The following MCHR2 variants were observed in gnomAD, a reference collection of about 807,000 sequenced individuals.
The protein encoded by MCHR2 is melanin concentrating hormone receptor 2, also known as melanin-concentrating hormone receptor 2.
MCHR2 carries 15 observed loss-of-function variants against 24.8 expected under a neutral mutation model. The ratio of observed to expected loss-of-function variants is 0.60; its 90% confidence interval spans 0.40 to 0.93. The LOEUF is 0.93. MCHR2 is among the 40% of genes least tolerant of loss of function. The probability of loss-of-function intolerance (pLI) is 0.00; values close to 1 mark genes in which losing one functional copy is unlikely to be tolerated. For synonymous variants in MCHR2, 151 were observed against 147.6 expected (o/e 1.02, Z -0.17); for missense variants, 386 against 408.7 (o/e 0.94, Z 0.48).
chr6:99,970,765 C>T (rs561770692), intron 1 of MCHR2, among the ~76,000 whole-genome samples: 60 of 152,296 alleles, frequency 3.9e-4, no homozygotes, highest in Non-Finnish European at 3.2e-4. Context: ...GATCCAGTTT[C>T]AGCTTTCTAC....
intron 1 of MCHR2, among the ~76,000 whole-genome samples, chr6:99,972,811 T>C (rs563132848): frequency 0.023 from 3,514 of 152,152 alleles, 81 homozygotes; most frequent in African/African-American, 0.06. Context: ...GCCTTCATTT[T>C]GTTATGTACC....
chr6:99,975,465 C>A (rs1213972465), intron 1 of MCHR2, among the ~76,000 whole-genome samples: 1 of 152,192 alleles, frequency 6.6e-6, no homozygotes, highest in Non-Finnish European at 1.5e-5. Context: ...TTCCAGGTAT[C>A]GTCTGTCACC....
chr6:99,986,102 T>G (rs1775763308), intron 1 of MCHR2, among the ~76,000 whole-genome samples: 1 of 151,834 alleles, frequency 6.6e-6, no homozygotes, highest in Non-Finnish European at 1.5e-5. Context: ...ATCAGAGAAA[T>G]GCAAATTAAA....
intron 1 of MCHR2, among the ~76,000 whole-genome samples, chr6:99,975,531 C>T (rs1199069986): frequency 6.6e-6 from 1 of 152,236 alleles, no homozygotes; most frequent in Non-Finnish European, 1.5e-5. Context: ...CCAAGTGAGG[C>T]AATGCCTCGC....
At chr6:99,971,306 T>C (rs1283254927) in intron 1 of MCHR2, among the ~76,000 whole-genome samples, 2 of 150,304 alleles carry the variant, frequency 1.3e-5, no homozygotes, top group Non-Finnish European at 3.0e-5. Flanking sequence ...CTAGGTATTT[T>C]ATTCTCTTTG....
rs1212937381 is a variant in MCHR2 at position 99,934,506 on chromosome 6, TA to T, written c.598del (p.Tyr200IlefsTer2). 1.9e-6 allele frequency: 3 copies of T among 1,594,040 alleles called. No individual in the cohort carries two copies. In the African/African-American group the frequency reaches 4.1e-5, roughly 22 times the overall value. ...SPDDVLWYTLYLTITTFFFPL... is the reference protein window; with the variant it reads ...SPDDVLWYTLXLTITTFFFPL... ...GAAAAAAAAAGTTGTTATCGTCAAA[TA>T]AAGTGTATACCTGTAAAATGAGAGA... On this transcript the variant is annotated frameshift_variant, in exon 5 of 6. Coordinates refer to ENST00000281806, the MANE Select transcript of MCHR2 (RefSeq NM_001040179.2). LOFTEE classifies it high-confidence loss of function.
At chr6:99,991,602 T>G (rs1775877106) in intron 1 of MCHR2, among the ~76,000 whole-genome samples, 1 of 151,914 alleles carries the variant, frequency 6.6e-6, no homozygotes, top group Non-Finnish European at 1.5e-5. Flanking sequence ...GGTCAGGAGA[T>G]CGAGACCATC....
rs1554197611 is a variant in MCHR2, at chr6:99,991,822, A to AAAAAAG, written c.-28+2113_-28+2114insCTTTTT. Among the ~76,000 whole-genome samples, 312 of 151,198 alleles carry AAAAAAG rather than the reference A, an allele frequency of 2.1e-3. 3 individuals are homozygous for AAAAAAG. Among genetic ancestry groups the AAAAAAG allele is most frequent in the African/African-American group, 7.1e-3 (290 of 41,120 alleles). The stretch of plus-strand genomic sequence containing the variant: ...AGACTCCGTCTCAAAAAAAAAAAAA[A>AAAAAAG]AAAAGAAAAGAAAAAAGAAATGAGG... On this transcript the variant is annotated intron_variant, in intron 1 of 5. Coordinates refer to ENST00000281806, the MANE Select transcript of MCHR2 (RefSeq NM_001040179.2).
At chr6:99,964,514 A>C (rs1775255537) in intron 1 of MCHR2, among the ~76,000 whole-genome samples, 1 of 152,114 alleles carries the variant, frequency 6.6e-6, no homozygotes, top group South Asian at 2.1e-4. Flanking sequence ...CACCTTCTTC[A>C]CAGGGTGGCA....
At chr6:99,970,404 GTTGT>G (rs1263004607) in intron 1 of MCHR2, among the ~76,000 whole-genome samples, 3 of 152,064 alleles carry the variant, frequency 2.0e-5, no homozygotes, top group Non-Finnish European at 2.9e-5. Flanking sequence ...TTTTGATGGG[GTTGT>G]TTGTTTTTTT....
At chr6:99,977,914 A>G (rs1775583978) in intron 1 of MCHR2, among the ~76,000 whole-genome samples, 1 of 152,196 alleles carries the variant, frequency 6.6e-6, no homozygotes. Flanking sequence ...TCAATCTTGG[A>G]CCATATCACT....
rs959714225 is a variant in MCHR2, at chr6:99,947,967, T to C, written c.187A>G (p.Arg63Gly). The C allele has an allele frequency of 3.7e-6, 6 of 1,612,894 alleles. No individual in the cohort carries two copies. Among genetic ancestry groups the C allele is most frequent in the Admixed American group, 3.3e-5 (2 of 59,850 alleles). Reference sequence around the variant, plus strand: ...TAGATGTCAGGGACTGTTTTTTTCCTGGATCTGAAAGAGATAGAGGAAACT... The same window carrying C: ...TAGATGTCAGGGACTGTTTTTTTCCCGGATCTGAAAGAGATAGAGGAAACT... ...ILIVFTIIRSRKKTVPDIYIC... is the reference protein window; with the variant it reads ...ILIVFTIIRSGKKTVPDIYIC... Residue 63 changes from arginine to glycine, a missense_variant, in exon 3 of 6, where the codon AGG (arginine) becomes GGG (glycine). Coordinates refer to ENST00000281806, the MANE Select transcript of MCHR2 (RefSeq NM_001040179.2).
chr6:99,926,552 T>C (rs529866763), intron 5 of MCHR2, among the ~76,000 whole-genome samples: 15 of 152,328 alleles, frequency 9.8e-5, no homozygotes, highest in Non-Finnish European at 1.5e-4. Flanking sequence ...TGGTATCTCA[T>C]TGTGGTTTTG....
intron 1 of MCHR2, among the ~76,000 whole-genome samples, chr6:99,984,266 C>CTTTT (rs151233138): frequency 0.34 from 49,031 of 143,834 alleles, 8,544 homozygotes; most frequent in East Asian, 0.58. Flanking sequence ...ATTTATTTTT[C>CTTTT]TTTATTATTA....
intron 1 of MCHR2, among the ~76,000 whole-genome samples, chr6:99,989,231 G>A (rs1421155190): frequency 6.6e-6 from 1 of 152,074 alleles, no homozygotes; most frequent in Non-Finnish European, 1.5e-5. Context: ...TAGCCTGGGC[G>A]ACAGAGCATG....
Position 99,992,679 on chromosome 6 carries a change from CT to C in MCHR2, c.-28+1256del, listed in dbSNP as rs959910774. Among the ~76,000 whole-genome samples the C allele has an allele frequency of 2.6e-5, 4 of 152,104 alleles. No homozygotes were observed. In the South Asian group the frequency reaches 6.2e-4, roughly 24 times the overall value. On this transcript the variant is annotated intron_variant, in intron 1 of 5. Transcript: ENST00000281806. ...TACTTTATTCCCCAGGCTTGAAAAA[CT>C]TTTTTCTTGTAATTGGAATGCTTTG...
chr6:99,976,410 C>G (rs1432071062), intron 1 of MCHR2, among the ~76,000 whole-genome samples: 2 of 152,196 alleles, frequency 1.3e-5, no homozygotes, highest in Non-Finnish European at 2.9e-5. Flanking sequence ...CAATTATGTG[C>G]AGCTTTGGGG....
Position 99,975,566 on chromosome 6 carries a change from GCTGCACCCACTGTC to G in MCHR2, c.-28+18356_-28+18369del, listed in dbSNP as rs573241935. On this transcript the variant is annotated intron_variant, in intron 1 of 5. Coordinates refer to ENST00000281806, the MANE Select transcript of MCHR2 (RefSeq NM_001040179.2). ...CCCTGCTTCAGCTCGTGCATGGTGC[GCTGCACCCACTGTC>G]CTGCACCCACTGTCTGGCACTCCCT... Among the ~76,000 whole-genome samples, 9 of 152,306 alleles carry G rather than the reference GCTGCACCCACTGTC, an allele frequency of 5.9e-5. No homozygotes were observed. In the East Asian group the frequency reaches 9.7e-4, roughly 16 times the overall value.
At chr6:99,929,739 C>T (rs1200143786) in intron 5 of MCHR2, among the ~76,000 whole-genome samples, 18 of 151,994 alleles carry the variant, frequency 1.2e-4, no homozygotes, top group Admixed American at 2.0e-4. Context: ...TGTCTCTGCA[C>T]GTGAGATGGG....
Sources: gnomAD v4.1 joint callset for allele counts (sites outside exome capture counted in the v4.1 genomes callset) on GRCh38, gnomAD v4.1.1 for gene constraint, MANE v1.5 for transcripts, NCBI Gene and HGNC (gene_info 2026-07-23, HGNC 2026-07-21) for gene names.